The following STK33 variants were observed in gnomAD, a reference collection of about 807,000 sequenced individuals.
The protein encoded by STK33 is serine/threonine-protein kinase 33.
A neutral mutation model predicts 58.0 loss-of-function variants in STK33; 52 were observed. The ratio of observed to expected loss-of-function variants is 0.90; its 90% CI spans 0.72 to 1.13. The LOEUF is 1.13. Ranked by LOEUF, STK33 falls within the 50% of genes most tolerant of loss-of-function variation. The pLI, the probability that STK33 is intolerant of heterozygous loss-of-function variation, is 0.00. For synonymous variants in STK33, 215 were observed against 200.1 expected, an observed-to-expected ratio of 1.07 and a Z score of -0.63; for missense variants, 630 against 604.2, an observed-to-expected ratio of 1.04 and a Z score of -0.45.
chr11:8,468,835 A>G (rs1948488420), intron 6 of STK33, among the ~76,000 whole-genome samples: 1 of 152,226 alleles, frequency 6.6e-6, no homozygotes, highest in Non-Finnish European at 1.5e-5. Context: ...ATTCAGTTCC[A>G]GACCACCACC....
the STK33 span, among the ~76,000 whole-genome samples, chr11:8,354,893 C>T: frequency 6.6e-6 from 1 of 152,362 alleles, no homozygotes; most frequent in African/African-American, 2.4e-5. Flanking sequence ...GGAAGCCCAG[C>T]CTGGCAGGGC....
chr11:8,580,517 G>C (rs1337285482), intron 1 of STK33, among the ~76,000 whole-genome samples: 2 of 151,958 alleles, frequency 1.3e-5, no homozygotes, highest in Non-Finnish European at 2.9e-5. Context: ...TGGTTAATGG[G>C]TACAAAGAAA....
intron 1 of STK33, among the ~76,000 whole-genome samples, chr11:8,510,913 G>A (rs1209886857): frequency 6.6e-6 from 1 of 151,578 alleles, no homozygotes; most frequent in African/African-American, 2.4e-5. Context: ...TAGCCTTGCA[G>A]TATATAATGT....
In STK33 at chr11:8,394,687, G is replaced by A. The variant is rs59222425; in HGVS notation, c.1345-1977C>T. Among the ~76,000 whole-genome samples the A allele has an allele frequency of 4.5e-4, 68 of 152,226 alleles. 1 individual carries two copies. The East Asian group carries it at 0.011, about 25-fold the overall frequency. ...GAATATTTTTCTTTTTCCCAAAAAC[G>A]CTACAGATGCTGGTATTTTCTTCTT... On this transcript the variant is annotated intron_variant, in intron 15 of 15. Transcript: ENST00000687296.
At chr11:8,560,854 T>C (rs372728263) in intron 1 of STK33, among the ~76,000 whole-genome samples, 3 of 152,256 alleles carry the variant, frequency 2.0e-5, no homozygotes, top group South Asian at 4.1e-4. Flanking sequence ...ATTAAACTCA[T>C]CTGAGAATGC....
intron 1 of STK33, among the ~76,000 whole-genome samples, chr11:8,526,249 C>G (rs1485466081): frequency 6.6e-6 from 1 of 151,924 alleles, no homozygotes; most frequent in Non-Finnish European, 1.5e-5. Flanking sequence ...CAAAAATTAG[C>G]TGGTCATGGT....
chr11:8,341,116 C>T, the STK33 span, among the ~76,000 whole-genome samples: 1 of 3,930 alleles, frequency 2.5e-4, no homozygotes, highest in East Asian at 0.028. Flanking sequence ...CCCGGGCCTC[C>T]AAAGTGCTGG....
chr11:8,344,390 TA>T, the STK33 span, among the ~76,000 whole-genome samples: 8 of 152,172 alleles, frequency 5.3e-5, no homozygotes, highest in African/African-American at 1.9e-4. Context: ...TCCAATAAAA[TA>T]AAAATAAAAA....
At chr11:8,351,895 C>A in the STK33 span, among the ~76,000 whole-genome samples, 1 of 152,238 alleles carries the variant, frequency 6.6e-6, no homozygotes, top group African/African-American at 2.4e-5. Flanking sequence ...CGCCCAGGGG[C>A]CGTGCCTTCA....
Position 8,435,510 on chromosome 11 carries a change from T to C in STK33, c.1130A>G (p.Asp377Gly). The change falls in exon 14 of 16, where the codon GAT becomes GGT. Residue 377 changes from aspartate to glycine, a missense_variant. Transcript: ENST00000687296. ...AHRITAKELL[D>G]NQWLTGNKLS... ...GTAACTTACTGTTAACCACTGGTTA[T>C]CTAGTAGTTCCTTAGCTGTGATTCT... The C allele has an allele frequency of 6.8e-7, 1 of 1,472,488 alleles. No individual in the cohort carries two copies. Among genetic ancestry groups the C allele is most frequent in the Non-Finnish European group, 9.1e-7 (1 of 1,097,056 alleles). 91.2% of individuals were successfully genotyped at this position (1,472,488 alleles called of 1,614,324 possible). A position where few individuals can be genotyped will look rare whatever the true frequency, so the allele number is the denominator to read the frequency against.
the STK33 span, among the ~76,000 whole-genome samples, chr11:8,375,026 T>C: frequency 6.6e-6 from 1 of 152,216 alleles, no homozygotes; most frequent in Middle Eastern, 3.2e-3. Flanking sequence ...ACAGACTAAA[T>C]TTATTAATGT....
downstream of STK33, among the ~76,000 whole-genome samples, chr11:8,391,273 A>T (rs551427690): frequency 6.6e-6 from 1 of 152,368 alleles, no homozygotes; most frequent in African/African-American, 2.4e-5. Flanking sequence ...AGCTATGTTA[A>T]TGACAGTTTA....
intron 14 of STK33, among the ~76,000 whole-genome samples, 199 bp from the exon 15 acceptor site, chr11:8,413,891 T>C (rs906102951): frequency 6.6e-6 from 1 of 152,194 alleles, no homozygotes; most frequent in Non-Finnish European, 1.5e-5. Context: ...TTGCATGATA[T>C]CACGTGTAAT....
intron 15 of STK33, among the ~76,000 whole-genome samples, chr11:8,399,743 G>C (rs1366877733): frequency 7.9e-5 from 12 of 152,098 alleles, no homozygotes; most frequent in East Asian, 1.9e-4. Context: ...AAGAAGAAAA[G>C]AGAGAAGAAT....
chr11:8,468,132 G>A (rs2137587234), intron 6 of STK33, among the ~76,000 whole-genome samples: 1 of 152,274 alleles, frequency 6.6e-6, no homozygotes, highest in South Asian at 2.1e-4. Flanking sequence ...TCACAATCAT[G>A]GCAGAAGGCA....
At chr11:8,375,260 T>G in the STK33 span, among the ~76,000 whole-genome samples, 3 of 152,264 alleles carry the variant, frequency 2.0e-5, no homozygotes, top group African/African-American at 7.2e-5. Flanking sequence ...TGACATTTAT[T>G]TGCAATAGGG....
chr11:8,538,702 T>G (rs1056295942), intron 1 of STK33, among the ~76,000 whole-genome samples: 2 of 152,228 alleles, frequency 1.3e-5, no homozygotes, highest in Admixed American at 1.3e-4. Context: ...AGATGTGTTC[T>G]TTCCTACATG....
chr11:8,369,905 A>AC, the STK33 span, among the ~76,000 whole-genome samples: 1 of 152,208 alleles, frequency 6.6e-6, no homozygotes, highest in Non-Finnish European at 1.5e-5. Context: ...GCCAACCTGC[A>AC]CACCAAAGGC....
At chr11:8,474,534 T>C in intron 5 of STK33, 147 bp downstream of exon 5, 1 of 555,264 alleles carries the variant, frequency 1.8e-6, no homozygotes, top group East Asian at 3.2e-5. Flanking sequence ...CCAAATTTAC[T>C]CACCTCTTCT....
Sources: allele counts gnomAD v4.1 joint callset (sites outside exome capture counted in the v4.1 genomes callset), GRCh38; gene constraint gnomAD v4.1.1; transcripts MANE v1.5; gene names NCBI Gene and HGNC (gene_info 2026-07-23, HGNC 2026-07-21).